PABPC4L: variants seen among roughly 807,000 people sequenced by gnomAD.
PABPC4L encodes poly(A) binding protein cytoplasmic 4 like.
For synonymous variants in PABPC4L, 169 were observed against 164.1 expected (o/e 1.03, Z -0.23); for missense variants, 452 against 451.4 (o/e 1.00, Z -0.01).
chr4:134,164,634 C>T, the PABPC4L span, among the ~76,000 whole-genome samples: 4 of 152,070 alleles, frequency 2.6e-5, no homozygotes, highest in East Asian at 3.9e-4. Flanking sequence ...TCTATACAAA[C>T]GAATATAAAT....
the PABPC4L span, among the ~76,000 whole-genome samples, chr4:134,004,324 G>A: frequency 1.3e-5 from 2 of 151,750 alleles, no homozygotes; most frequent in South Asian, 4.1e-4. Context: ...GGAAAACAAG[G>A]GCGAAGGACC....
At chr4:133,979,566 G>A in the PABPC4L span, among the ~76,000 whole-genome samples, 1 of 152,018 alleles carries the variant, frequency 6.6e-6, no homozygotes, top group South Asian at 2.1e-4. Flanking sequence ...TGGGCTTTCC[G>A]TATTAGTTCC....
At chr4:134,153,441 TTACTC>T in the PABPC4L span, among the ~76,000 whole-genome samples, 1 of 152,000 alleles carries the variant, frequency 6.6e-6, no homozygotes, top group Admixed American at 6.6e-5. Flanking sequence ...GAAATAATAT[TTACTC>T]TAAGTCAAAA....
At chr4:134,008,596 CA>C in the PABPC4L span, among the ~76,000 whole-genome samples, 1 of 151,512 alleles carries the variant, frequency 6.6e-6, no homozygotes, top group African/African-American at 2.4e-5. Context: ...TTCAAAATAA[CA>C]ATAATGTAGA....
chr4:134,110,560 TG>T, the PABPC4L span, among the ~76,000 whole-genome samples: 8 of 144 alleles, frequency 0.056, no homozygotes, highest in Admixed American at 0.17. Flanking sequence ...CTCTCTGTCT[TG>T]TGTGTGTGTG....
chr4:134,031,562 A>C, the PABPC4L span, among the ~76,000 whole-genome samples: 1 of 151,990 alleles, frequency 6.6e-6, no homozygotes, highest in East Asian at 1.9e-4. Context: ...CCCACCATTA[A>C]ATTTTGCAGT....
the PABPC4L span, among the ~76,000 whole-genome samples, chr4:134,100,301 G>T: frequency 6.6e-6 from 1 of 151,504 alleles, no homozygotes; most frequent in Admixed American, 6.6e-5. Flanking sequence ...CACCTTTTTT[G>T]TAAATTGAAT....
chr4:134,132,552 T>TA, the PABPC4L span, among the ~76,000 whole-genome samples: 30 of 150,486 alleles, frequency 2.0e-4, no homozygotes, highest in South Asian at 8.4e-4. Context: ...AATAAGAGAA[T>TA]AAAAAAAAAT....
chr4:134,063,677 A>C, the PABPC4L span, among the ~76,000 whole-genome samples: 1 of 152,054 alleles, frequency 6.6e-6, no homozygotes, highest in African/African-American at 2.4e-5. Flanking sequence ...CTGTATGCTA[A>C]TTTTAAATAC....
chr4:134,168,759 TA>T, the PABPC4L span, among the ~76,000 whole-genome samples: 2 of 151,814 alleles, frequency 1.3e-5, no homozygotes, highest in Non-Finnish European at 2.9e-5. Flanking sequence ...ACAAACAAGA[TA>T]GAACCAATAA....
the PABPC4L span, among the ~76,000 whole-genome samples, chr4:134,047,593 G>A: frequency 3.3e-5 from 5 of 152,066 alleles, no homozygotes; most frequent in East Asian, 9.6e-4. Flanking sequence ...TGCTCTCAGG[G>A]CTCTGCAGAT....
At chr4:134,046,276 A>C in the PABPC4L span, among the ~76,000 whole-genome samples, 1 of 152,076 alleles carries the variant, frequency 6.6e-6, no homozygotes. Context: ...TGTCACAAAT[A>C]AGTTCAAGGG....
chr4:134,100,562 A>G, the PABPC4L span, among the ~76,000 whole-genome samples: 1 of 151,650 alleles, frequency 6.6e-6, no homozygotes, highest in East Asian at 1.9e-4. Context: ...ACCTGGGTGC[A>G]CACGCACATA....
the PABPC4L span, among the ~76,000 whole-genome samples, chr4:134,164,180 G>A: frequency 4.8e-5 from 7 of 145,020 alleles, no homozygotes; most frequent in East Asian, 2.0e-4. Context: ...GGAGAATGGC[G>A]TGAACCCGGG....
chr4:133,962,432 GA>G, the PABPC4L span, among the ~76,000 whole-genome samples: 1 of 152,048 alleles, frequency 6.6e-6, no homozygotes, highest in Non-Finnish European at 1.5e-5. Flanking sequence ...ATAGCATAAA[GA>G]AAAAACAATA....
chr4:134,044,542 G>T, the PABPC4L span, among the ~76,000 whole-genome samples: 2 of 152,086 alleles, frequency 1.3e-5, no homozygotes, highest in Non-Finnish European at 2.9e-5. Flanking sequence ...GGGATTATAG[G>T]CATGAGCCAC....
At chr4:134,023,131 T>G in the PABPC4L span, among the ~76,000 whole-genome samples, 1 of 152,032 alleles carries the variant, frequency 6.6e-6, no homozygotes, top group Non-Finnish European at 1.5e-5. Flanking sequence ...ACCTAGGTAT[T>G]TGGAAGACAG....
the PABPC4L span, chr4:133,978,880 A>G: frequency 3.3e-5 from 5 of 152,152 alleles, no homozygotes; most frequent in Non-Finnish European, 7.4e-5. Flanking sequence ...TCTATCCAGG[A>G]AATTACTGGA....
the PABPC4L span, among the ~76,000 whole-genome samples, chr4:134,112,040 T>C: frequency 6.6e-6 from 1 of 151,950 alleles, no homozygotes; most frequent in African/African-American, 2.4e-5. Context: ...AGTAATAAAA[T>C]TGTTATTCTA....
Sources: gnomAD v4.1 joint callset for allele counts (sites outside exome capture counted in the v4.1 genomes callset) on GRCh38, gnomAD v4.1.1 for gene constraint, MANE v1.5 for transcripts, NCBI Gene and HGNC (gene_info 2026-07-23, HGNC 2026-07-21) for gene names.